KIF1C: variants seen among roughly 807,000 people sequenced by gnomAD.
KIF1C encodes kinesin-like protein KIF1C.
A neutral mutation model predicts 126.5 loss-of-function variants in KIF1C; 61 were observed. The observed-to-expected ratio is 0.48, with a 90% CI of 0.39 to 0.60. KIF1C has a LOEUF of 0.60. Ranked by LOEUF, KIF1C falls within the 20% of genes least tolerant of loss-of-function variation. KIF1C has a pLI of 0.00. For missense variants in KIF1C, 1,315 were observed against 1,489.2 expected (o/e 0.88, Z 1.93); for synonymous variants, 640 against 580.6 (o/e 1.10, Z -1.47).
intron 16 of KIF1C, among the ~76,000 whole-genome samples, chr17:5,011,369 C>G (rs1780766323): frequency 6.6e-6 from 1 of 152,202 alleles, no homozygotes; most frequent in South Asian, 2.1e-4. Context: ...TGGTTCTGAG[C>G]TGCCTTCTCA....
At chr17:5,000,103 A>G (rs1974541476) in intron 2 of KIF1C, 117 bp from the exon 3 acceptor site, 2 of 630,144 alleles carry the variant, frequency 3.2e-6, no homozygotes, top group Admixed American at 5.2e-5. Flanking sequence ...TGGGTCCTTG[A>G]GAGGCTGGGT....
intron 3 of KIF1C, among the ~76,000 whole-genome samples, 185 bp downstream of exon 3, chr17:5,000,537 T>C (rs1974559110): frequency 6.6e-6 from 1 of 152,020 alleles, no homozygotes; most frequent in South Asian, 2.1e-4. Flanking sequence ...AGGGGGAATG[T>C]TGGCCTGGAG....
At chr17:5,005,383 CAG>C (rs1184251295) in intron 13 of KIF1C, among the ~76,000 whole-genome samples, 2 of 152,228 alleles carry the variant, frequency 1.3e-5, no homozygotes, top group Non-Finnish European at 2.9e-5. Flanking sequence ...CATAGCCTAA[CAG>C]ATCTCAGTGG....
intron 11 of KIF1C, 38 bp from the exon 12 acceptor site, chr17:5,004,529 T>C (rs1272597982): frequency 6.3e-7 from 1 of 1,599,562 alleles, no homozygotes; most frequent in Admixed American, 1.7e-5. Flanking sequence ...GCTTAGCCCC[T>C]CCCTCAGCTG....
intron 11 of KIF1C, 72 bp downstream of exon 11, chr17:5,004,145 C>A: frequency 1.8e-6 from 2 of 1,098,848 alleles, no homozygotes; most frequent in Non-Finnish European, 2.8e-6. Context: ...TCTGACAAAT[C>A]CCCTTGCTAT....
intron 16 of KIF1C, among the ~76,000 whole-genome samples, chr17:5,012,899 G>T (rs576114408): frequency 1.3e-5 from 2 of 151,980 alleles, no homozygotes; most frequent in Admixed American, 1.3e-4. Context: ...AATGGGCCGG[G>T]TTTTCAGCAC....
In KIF1C at chr17:5,023,176, G is replaced by A. The variant is rs1420510798; in HGVS notation, c.2629-292G>A. 1.3e-5 allele frequency among the ~76,000 whole-genome samples: 2 copies of A among 151,978 alleles called. No individual in the cohort carries two copies. The highest frequency in any genetic ancestry group is 2.9e-5 in the Non-Finnish European group (2 of 67,992). Reference sequence around the variant, plus strand: ...ACTACAGGCGCGCACCACCACACCCGGCTAATTTTTTTTTTTTGTATTTTA... The same window carrying A: ...ACTACAGGCGCGCACCACCACACCCAGCTAATTTTTTTTTTTTGTATTTTA... On this transcript the variant is annotated intron_variant, in intron 22 of 22. Coordinates refer to ENST00000320785, the MANE Select transcript of KIF1C (RefSeq NM_006612.6). This position sits in a 1 kb window ranked among gnomAD's most constrained non-coding sequence, Gnocchi z 4.2.
intron 5 of KIF1C, 78 bp from the exon 6 acceptor site, chr17:5,001,981 T>G: frequency 7.6e-7 from 1 of 1,323,558 alleles, no homozygotes; most frequent in Non-Finnish European, 1.1e-6. Flanking sequence ...CACTTGGGAC[T>G]GGGCCTGGCC....
At position 5,016,080 on chromosome 17, in the gene KIF1C, A is replaced by G. The variant is rs1050645841; in HGVS notation, c.1666+1243A>G. Reference sequence around the variant, plus strand: ...TGTGTGTGTTGTGCCTCAGAGACCTAGGAGTGCTTGGCCTAACACCTTCCA... The same window carrying G: ...TGTGTGTGTTGTGCCTCAGAGACCTGGGAGTGCTTGGCCTAACACCTTCCA... On this transcript the variant is annotated intron_variant, in intron 18 of 22. Coordinates refer to ENST00000320785, the MANE Select transcript of KIF1C (RefSeq NM_006612.6). Among the ~76,000 whole-genome samples, 15 of 151,148 alleles carry G rather than the reference A, an allele frequency of 9.9e-5. No individual in the cohort carries two copies. In the East Asian group the frequency reaches 2.9e-3, roughly 29 times the overall value.
chr17:5,013,653 A>T lies in KIF1C; in HGVS notation c.1492A>T (p.Thr498Ser), dbSNP rs1974912700. The stretch of plus-strand genomic sequence containing the variant: ...TGACCACCTTTCTCTCCCCGCTTAG[A>T]CTCCCCACCTGGTGAACCTGAACGA... The part of the protein sequence containing the change: ...GTVGVFSPKK[T>S]PHLVNLNEDP... The change falls in exon 17 of 23, where the codon ACT (threonine) becomes TCT (serine). Residue 498 changes from threonine (T) to serine (S), a missense_variant and splice_region_variant. Around this residue, in one of 2 missense-constraint regions of KIF1C, gnomAD observed 874 missense variants for 1,053.2 expected, o/e 0.83. Coordinates refer to ENST00000320785, the MANE Select transcript of KIF1C (RefSeq NM_006612.6). 7.4e-6 allele frequency: 12 copies of T among 1,612,716 alleles called. No homozygotes were observed. Among genetic ancestry groups the T allele is most frequent in the Non-Finnish European group, 1.0e-5 (12 of 1,179,204 alleles).
rs1974629429 is a variant in KIF1C, at chr17:5,002,787, C to T, written c.665C>T (p.Thr222Ile). 1.2e-6 allele frequency: 2 copies of T among 1,613,928 alleles called. No individual in the cohort carries two copies. Among genetic ancestry groups the T allele is most frequent in the Admixed American group, 3.3e-5 (2 of 59,982 alleles). The change falls in exon 8 of 23, where the codon ACC (threonine) becomes ATC (isoleucine). Residue 222 changes from threonine to isoleucine, a missense_variant. Coordinates refer to ENST00000320785, the MANE Select transcript of KIF1C (RefSeq NM_006612.6). ...AGCAGCCGTTCCCATGCCGTCTTTA[C>T]CATCGTCTTCACACAGCGCTGCCAT... Reference protein sequence around the residue: ...ETSSRSHAVFTIVFTQRCHDQ... With the variant: ...ETSSRSHAVFIIVFTQRCHDQ...
chr17:5,020,137 A>C lies in KIF1C; in HGVS notation c.1750+58A>C. 7.5e-6 allele frequency: 10 copies of C among 1,325,694 alleles called. No homozygotes were observed. The highest frequency in any genetic ancestry group is 1.3e-5 in the South Asian group (1 of 79,800). The allele number at this position is 1,325,694 out of a possible 1,614,324, so 82.1% of individuals were successfully genotyped here. ...GGCGTGGCTGTGTGTAGGAAGTCTC[A>C]AGGGAGGTCCTTCTGGGTGCATCCT... On this transcript the variant is annotated intron_variant, in intron 19 of 22. Transcript: ENST00000320785. The surrounding 1 kb of genome is among the most constrained non-coding windows in gnomAD (Gnocchi z 5.8).
At chr17:5,004,158 C>A in intron 11 of KIF1C, 85 bp downstream of exon 11, 1 of 994,602 alleles carries the variant, frequency 1.0e-6, no homozygotes, top group South Asian at 1.3e-5. Flanking sequence ...CTTGCTATGC[C>A]GAGAATCCCA....
chr17:5,010,037 A>C (rs9910254), intron 16 of KIF1C, among the ~76,000 whole-genome samples: 1 of 151,840 alleles, frequency 6.6e-6, no homozygotes. Flanking sequence ...AGTGATTCTC[A>C]TGCCTCAGCC....
In KIF1C at chr17:5,027,986, A is replaced by G. The variant is rs1352333157; in HGVS notation, c.*3835A>G. On this transcript the variant is annotated 3_prime_UTR_variant, in exon 23 of 23. Coordinates refer to ENST00000320785, the MANE Select transcript of KIF1C (RefSeq NM_006612.6). ...TATAAAAATAAAAAGAACATCAGAC[A>G]TCACCATCACCTCGCTTAGAATCCA... is the stretch of plus-strand genomic sequence containing the variant. The G allele has an allele frequency of 4.6e-5, 7 of 152,164 alleles. No homozygotes were observed. The highest frequency in any genetic ancestry group is 4.6e-4 in the Admixed American group (7 of 15,264). The allele number at this position is 152,164 out of a possible 1,614,324, so 9.4% of individuals were successfully genotyped here.
chr17:5,013,722 G>A lies in KIF1C; in HGVS notation c.1561G>A (p.Gly521Ser). ...GTGTCTGCTCTACCACATCAAAGAT[G>A]GCGTCACCAGGTAGCGTGTACCCAG... is the stretch of plus-strand genomic sequence containing the variant. ...SECLLYHIKD[G>S]VTRVGQVDMD... is the part of the protein sequence containing the mutation. Residue 521 changes from glycine to serine, a missense_variant, in exon 17 of 23, where the codon GGC becomes AGC. Coordinates refer to ENST00000320785, the MANE Select transcript of KIF1C (RefSeq NM_006612.6). The A allele has an allele frequency of 6.2e-7, 1 of 1,613,698 alleles. No individual in the cohort carries two copies. The highest frequency in any genetic ancestry group is 8.5e-7 in the Non-Finnish European group (1 of 1,179,690).
chr17:4,998,513 C>T (rs1974456736), intron 1 of KIF1C, among the ~76,000 whole-genome samples: 1 of 152,212 alleles, frequency 6.6e-6, no homozygotes, highest in African/African-American at 2.4e-5. Flanking sequence ...GACCCCTGTC[C>T]CTACCTCTAT....
At position 5,000,312 on chromosome 17, in the gene KIF1C, G is replaced by T; in HGVS notation, c.66G>T (p.Gln22His). Residue 22 changes from glutamine to histidine, a missense_variant, in exon 3 of 23, where the codon CAG (glutamine) becomes CAT (histidine). By Grantham distance (24) the Gln-to-His change is conservative. Around this residue, in one of 2 missense-constraint regions of KIF1C, gnomAD observed 874 missense variants for 1,053.2 expected, o/e 0.83. Transcript: ENST00000320785. ...VRPFNARETS[Q>H]DAKCVVSMQG... ...CCTTTAACGCCCGTGAGACCAGCCA[G>T]GATGCCAAGTGTGTGGTCAGCATGC... 1 of 1,594,448 alleles carries T rather than the reference G, an allele frequency of 6.3e-7. No homozygotes were observed.
rs201887996 is a variant in KIF1C, at chr17:5,023,961, G to A, written c.3122G>A (p.Arg1041Gln). 335 of 1,578,504 alleles carry A rather than the reference G, an allele frequency of 2.1e-4. 1 individual carries two copies. In the East Asian group the frequency reaches 2.4e-3, roughly 11 times the overall value. ...RNSLDGGGRS[R>Q]GAGSAQPEPQ... ...TCCCTGGATGGAGGGGGCCGATCCC[G>A]GGGAGCGGGTTCTGCACAGCCTGAA... The change falls in exon 23 of 23, where the codon CGG (arginine) becomes CAG (glutamine). Residue 1041 changes from arginine to glutamine, a missense_variant. Arg to Gln is a conservative substitution (Grantham distance 43). This residue lies in a region of KIF1C where 441 missense variants were observed against 436.1 expected (regional missense o/e 1.01). Transcript: ENST00000320785. This position sits in a 1 kb window ranked among gnomAD's most constrained non-coding sequence, Gnocchi z 4.2.
Sources: gnomAD v4.1 joint callset for allele counts (sites outside exome capture counted in the v4.1 genomes callset) on GRCh38, gnomAD v4.1.1 for gene constraint, gnomAD v4.1.1 regional missense constraint, Gnocchi (gnomAD v3.1) non-coding constraint, MANE v1.5 for transcripts, NCBI Gene and HGNC (gene_info 2026-07-23, HGNC 2026-07-21) for gene names.